RUNX2: variants seen among roughly 807,000 people sequenced by gnomAD.
RUNX2 encodes the protein runt-related transcription factor 2.
In RUNX2, 10 loss-of-function variants were observed where a neutral mutation model predicts 51.7. The observed-to-expected ratio is 0.19, with a 90% CI of 0.12 to 0.33. The LOEUF is 0.33. Among genes scored for constraint, RUNX2 ranks in the 10% least tolerant of loss-of-function variants. RUNX2 has a pLI of 1.00. For synonymous variants in RUNX2, 276 were observed against 273.6 expected, an observed-to-expected ratio of 1.01 and a Z score of -0.09; for missense variants, 562 against 691.3, an observed-to-expected ratio of 0.81 and a Z score of 2.10.
intron 3 of RUNX2, among the ~76,000 whole-genome samples, chr6:45,429,251 C>G (rs1798469820): frequency 6.6e-6 from 1 of 152,168 alleles, no homozygotes; most frequent in African/African-American, 2.4e-5. Context: ...AACAGTACAA[C>G]TTTTCTCCTG....
At chr6:45,481,319 A>G (rs568185113) in intron 5 of RUNX2, among the ~76,000 whole-genome samples, 42 of 152,318 alleles carry the variant, frequency 2.8e-4, no homozygotes, top group African/African-American at 9.9e-4. Context: ...CTTTTTGTTC[A>G]ACTACGAAAA....
chr6:45,498,890 T>C (rs1800722605), intron 6 of RUNX2, among the ~76,000 whole-genome samples: 1 of 152,204 alleles, frequency 6.6e-6, no homozygotes, highest in African/African-American at 2.4e-5. Context: ...TACTGTTCTG[T>C]TCAAGTGCTG....
At chr6:45,453,379 T>A (rs530033518) in intron 5 of RUNX2, among the ~76,000 whole-genome samples, 49 of 152,344 alleles carry the variant, frequency 3.2e-4, no homozygotes, top group African/African-American at 1.1e-3. Flanking sequence ...GGAGGGCCAG[T>A]TCCATATTTT....
rs1368061321 is a variant in RUNX2 at position 45,397,404 on chromosome 6, C to T, written c.59-25189C>T. Among the ~76,000 whole-genome samples, 5 of 152,086 alleles carry T rather than the reference C, an allele frequency of 3.3e-5. 1 individual carries two copies. The South Asian group carries it at 6.2e-4, about 19-fold the overall frequency. ...GATTACAGGCGTGAGCAACCATGCC[C>T]GGCATATATTTCAAACTTTTAAAAA... is the stretch of plus-strand genomic sequence containing the variant. On this transcript the variant is annotated intron_variant, in intron 2 of 8. Coordinates refer to ENST00000647337, the MANE Select transcript of RUNX2 (RefSeq NM_001024630.4).
intron 2 of RUNX2, among the ~76,000 whole-genome samples, chr6:45,358,748 C>T (rs116715972): frequency 6.6e-6 from 1 of 152,084 alleles, no homozygotes; most frequent in African/African-American, 2.4e-5. Context: ...TAATACTGTA[C>T]ATAAATCACA....
intron 2 of RUNX2, among the ~76,000 whole-genome samples, chr6:45,367,768 T>C (rs189996754): frequency 1.2e-4 from 19 of 152,348 alleles, no homozygotes; most frequent in Admixed American, 8.5e-4. Flanking sequence ...TGGAGCAATC[T>C]GCTCCTTTTT....
chr6:45,414,543 G>C (rs1423510481), intron 2 of RUNX2, among the ~76,000 whole-genome samples: 1 of 152,008 alleles, frequency 6.6e-6, no homozygotes. Context: ...TAAAATCTGG[G>C]ATAAAATTGA....
chr6:45,352,026 CTT>C (rs1792160107), intron 2 of RUNX2, among the ~76,000 whole-genome samples: 2 of 152,160 alleles, frequency 1.3e-5, no homozygotes, highest in African/African-American at 4.8e-5. Context: ...TACCTCAAAT[CTT>C]TGCCATCCCA....
chr6:45,453,573 G>A (rs1431720734), intron 5 of RUNX2, among the ~76,000 whole-genome samples: 3 of 152,248 alleles, frequency 2.0e-5, no homozygotes, highest in African/African-American at 7.2e-5. Flanking sequence ...AAGAGGTACT[G>A]TGATAGAGAC....
At chr6:45,357,070 G>A (rs527667674) in intron 2 of RUNX2, among the ~76,000 whole-genome samples, 13 of 152,142 alleles carry the variant, frequency 8.5e-5, no homozygotes, top group African/African-American at 2.9e-4. Context: ...GCAGTGGCAC[G>A]ATCTCGGCTC....
chr6:45,335,031 T>G (rs1278266758), intron 2 of RUNX2, among the ~76,000 whole-genome samples: 1 of 151,282 alleles, frequency 6.6e-6, no homozygotes, highest in Non-Finnish European at 1.5e-5. Flanking sequence ...TGGAATTAAT[T>G]TGCTAATAGA....
intron 2 of RUNX2, among the ~76,000 whole-genome samples, chr6:45,359,521 T>C (rs1026053822): frequency 6.6e-6 from 1 of 152,172 alleles, no homozygotes; most frequent in African/African-American, 2.4e-5. Context: ...AGATCAATTA[T>C]TATTTAACAG....
intron 7 of RUNX2, among the ~76,000 whole-genome samples, chr6:45,542,104 C>G (rs1802248378): frequency 6.6e-6 from 1 of 151,920 alleles, no homozygotes; most frequent in African/African-American, 2.4e-5. Context: ...GTGAAAGATG[C>G]CACAGGGAGG....
chr6:45,435,754 A>G (rs565702129), intron 4 of RUNX2, among the ~76,000 whole-genome samples: 11 of 152,170 alleles, frequency 7.2e-5, no homozygotes, highest in Admixed American at 3.9e-4. Context: ...ATGAAAACTG[A>G]CTCTGAAACA....
At chr6:45,356,931 A>G (rs957254032) in intron 2 of RUNX2, among the ~76,000 whole-genome samples, 1 of 152,226 alleles carries the variant, frequency 6.6e-6, no homozygotes, top group East Asian at 1.9e-4. Context: ...AAATCAATAT[A>G]TAATATAGGC....
At chr6:45,451,252 C>A (rs926509274) in intron 5 of RUNX2, among the ~76,000 whole-genome samples, 16 of 152,118 alleles carry the variant, frequency 1.1e-4, no homozygotes, top group African/African-American at 3.6e-4. Context: ...TTGTCTGTAG[C>A]TGGGGCTCCG....
At chr6:45,377,843 C>G (rs1288850133) in intron 2 of RUNX2, 1 of 154,326 alleles carries the variant, frequency 6.5e-6, no homozygotes, top group Non-Finnish European at 1.4e-5. Flanking sequence ...GGTGCGGTTT[C>G]TGCTGCTGCG....
At chr6:45,507,548 G>A (rs1194989989) in intron 6 of RUNX2, among the ~76,000 whole-genome samples, 2 of 152,142 alleles carry the variant, frequency 1.3e-5, no homozygotes, top group East Asian at 3.9e-4. Context: ...ATTTATGACA[G>A]GATTATATTT....
intron 7 of RUNX2, among the ~76,000 whole-genome samples, chr6:45,526,325 C>A (rs886864558): frequency 6.6e-6 from 1 of 152,090 alleles, no homozygotes. Flanking sequence ...CTCTCATACC[C>A]TTGCATGGTT....
Sources: gnomAD v4.1 joint callset for allele counts (sites outside exome capture counted in the v4.1 genomes callset) on GRCh38, gnomAD v4.1.1 for gene constraint, MANE v1.5 for transcripts, NCBI Gene and HGNC (gene_info 2026-07-23, HGNC 2026-07-21) for gene names.